Variants in SLC35F5 observed in about 807,000 individuals in gnomAD.
SLC35F5 encodes the protein HCV NS5A-transactivated protein 3.
A neutral mutation model predicts 68.6 loss-of-function variants in SLC35F5; 54 were observed. That is an observed-to-expected ratio of 0.79 (90% CI 0.63 to 0.99). The LOEUF is 0.99. Among genes scored for constraint, SLC35F5 ranks in the 50% least tolerant of loss-of-function variants. The pLI is 0.00. For missense variants in SLC35F5, 567 were observed against 626.9 expected (o/e 0.90, Z 1.02); for synonymous variants, 211 against 205.2 (o/e 1.03, Z -0.24).
In SLC35F5 at chr2:113,708,960, A is replaced by G. The variant is rs1405048982; in HGVS notation, c.*6258T>C. Among the ~76,000 whole-genome samples, 1 of 152,192 alleles carries G rather than the reference A, an allele frequency of 6.6e-6. No homozygotes were observed. The highest frequency in any genetic ancestry group is 2.4e-5 in the African/African-American group (1 of 41,454). On this transcript the variant is annotated 3_prime_UTR_variant, in exon 16 of 16. Transcript: ENST00000245680. Reference sequence around the variant, plus strand: ...ATCTGATATATTTGGCCTCCATAAAACTGCCATGGATTCCAACTGTACTCA... The same window carrying G: ...ATCTGATATATTTGGCCTCCATAAAGCTGCCATGGATTCCAACTGTACTCA...
chr2:113,727,713 T>A (rs1310651590), intron 11 of SLC35F5, among the ~76,000 whole-genome samples: 1 of 152,096 alleles, frequency 6.6e-6, no homozygotes, highest in Non-Finnish European at 1.5e-5. Context: ...AACATCCCAA[T>A]CCTAACTTCT....
intron 11 of SLC35F5, chr2:113,725,941 ATTAT>A (rs1448620991): frequency 2.0e-5 from 3 of 153,786 alleles, no homozygotes; most frequent in Non-Finnish European, 2.9e-5. Context: ...CTCTGATTCA[ATTAT>A]TTATGTCCAA....
chr2:113,717,911 C>T (rs1221955690), intron 14 of SLC35F5, 61 bp from the exon 15 acceptor site: 7 of 1,186,370 alleles, frequency 5.9e-6, no homozygotes, highest in Non-Finnish European at 8.6e-6. Context: ...AACCTCAAAC[C>T]TTATTTATTC....
Position 113,710,626 on chromosome 2 carries a change from A to T in SLC35F5, c.*4592T>A, listed in dbSNP as rs114491470. ...CCATCTCTACCAAAAATACAAAAAA[A>T]CTAATCAGGAATGGGGGCACATGCC... is the stretch of plus-strand genomic sequence containing the variant. On this transcript the variant is annotated 3_prime_UTR_variant, in exon 16 of 16. Coordinates refer to ENST00000245680, the MANE Select transcript of SLC35F5 (RefSeq NM_025181.5). Among the ~76,000 whole-genome samples the T allele has an allele frequency of 4.9e-3, 753 of 152,238 alleles. 8 individuals carry two copies. Among genetic ancestry groups the T allele is most frequent in the African/African-American group, 0.016 (670 of 41,536 alleles).
At chr2:113,746,424 G>T in intron 4 of SLC35F5, 85 bp from the exon 5 acceptor site, 3 of 1,079,348 alleles carry the variant, frequency 2.8e-6, no homozygotes, top group Non-Finnish European at 2.8e-6. Context: ...ATAAATAGAA[G>T]CAAAAATCCA....
chr2:113,729,130 T>C (rs1174251181), intron 11 of SLC35F5, among the ~76,000 whole-genome samples: 1 of 152,222 alleles, frequency 6.6e-6, no homozygotes, highest in African/African-American at 2.4e-5. Flanking sequence ...GAGATAAATA[T>C]CTGACTTGCA....
chr2:113,719,783 C>T (rs1055290695), intron 13 of SLC35F5: 5 of 151,058 alleles, frequency 3.3e-5, no homozygotes, highest in Admixed American at 2.7e-4. Flanking sequence ...TATGACAGTA[C>T]CAAAAACAAA....
rs773579876 is a variant in SLC35F5 at position 113,750,503 on chromosome 2, C to T, written c.339G>A (p.Leu113=). 6.2e-7 allele frequency: 1 copy of T among 1,613,400 alleles called. No individual in the cohort carries two copies. The highest frequency in any genetic ancestry group is 8.5e-7 in the Non-Finnish European group (1 of 1,179,634). ...STFAKTSMFV[L]YLLGFIIWKP... is the part of the protein sequence containing the mutation. ...TCCAAATAATAAAGCCCAAAAGGTA[C>T]AAAACAAACATAGATGTTTTTGCAA... Residue 113 remains leucine, a synonymous_variant, in exon 4 of 16, where the codon TTG becomes TTA. Coordinates refer to ENST00000245680, the MANE Select transcript of SLC35F5 (RefSeq NM_025181.5).
In SLC35F5 at chr2:113,714,147, A is replaced by AT; in HGVS notation, c.*1070dup. 1 of 152,290 alleles carries AT rather than the reference A, an allele frequency of 6.6e-6. No individual in the cohort carries two copies. The highest frequency in any genetic ancestry group is 1.9e-4 in the East Asian group (1 of 5,190). 9.4% of individuals were successfully genotyped at this position (152,290 alleles called of 1,614,324 possible). ...TGCAATTAGGAGTATTTTACATTTA[A>AT]TTTATAATCTTAGTAGAGGAAAAGT... On this transcript the variant is annotated 3_prime_UTR_variant, in exon 16 of 16. Coordinates refer to ENST00000245680, the MANE Select transcript of SLC35F5 (RefSeq NM_025181.5).
chr2:113,708,383 G>C lies in SLC35F5; in HGVS notation c.*6835C>G, dbSNP rs1686861826. On this transcript the variant is annotated 3_prime_UTR_variant, in exon 16 of 16. Transcript: ENST00000245680. ...CTTTTAAGATTATAAATTCACAATA[G>C]TGAACACCCTAGTGACAACTTTTAA... Among the ~76,000 whole-genome samples, 1 of 152,188 alleles carries C rather than the reference G, an allele frequency of 6.6e-6. No individual in the cohort carries two copies. Among genetic ancestry groups the C allele is most frequent in the East Asian group, 1.9e-4 (1 of 5,206 alleles).
chr2:113,712,353 G>C lies in SLC35F5; in HGVS notation c.*2865C>G, dbSNP rs1687019252. Among the ~76,000 whole-genome samples the C allele has an allele frequency of 1.3e-5, 2 of 151,024 alleles. No homozygotes were observed. Among genetic ancestry groups the C allele is most frequent in the Non-Finnish European group, 2.9e-5 (2 of 67,938 alleles). On this transcript the variant is annotated 3_prime_UTR_variant, in exon 16 of 16. Transcript: ENST00000245680. ...TTTTTTTTTGAGACGGAGTCTCGCTGTCGCCCAGGCTGGAGTGCAGGGGCA... is the reference window on the plus strand; with the variant it reads ...TTTTTTTTTGAGACGGAGTCTCGCTCTCGCCCAGGCTGGAGTGCAGGGGCA...
chr2:113,740,900 C>T (rs962705291), intron 7 of SLC35F5, among the ~76,000 whole-genome samples: 6 of 152,306 alleles, frequency 3.9e-5, no homozygotes, highest in Admixed American at 6.5e-5. Context: ...GCTGGGACTA[C>T]GGGCGTGAGC....
chr2:113,725,704 G>T (rs1240926414), intron 11 of SLC35F5, 167 bp from the exon 12 acceptor site: 2 of 522,740 alleles, frequency 3.8e-6, no homozygotes, highest in Non-Finnish European at 6.6e-6. Flanking sequence ...ATAGCTCAAC[G>T]CCATAGAAAA....
chr2:113,732,832 C>T (rs1372627118), intron 9 of SLC35F5, among the ~76,000 whole-genome samples: 7 of 152,066 alleles, frequency 4.6e-5, no homozygotes, highest in South Asian at 4.1e-4. Flanking sequence ...AATATACAGA[C>T]GAGAAAATTG....
Position 113,717,856 on chromosome 2 carries a change from G to T in SLC35F5, c.1497-6C>A. On this transcript the variant is annotated splice_region_variant and splice_polypyrimidine_tract_variant and intron_variant, in intron 14 of 15. Transcript: ENST00000245680. ...GTTCGCTGTCTTCTGGAACTCTTAA[G>T]AAAAAAAAAAGCAGTAATTAAGGAA... is the stretch of plus-strand genomic sequence containing the variant. The T allele has an allele frequency of 7.0e-7, 1 of 1,434,010 alleles. No homozygotes were observed. The highest frequency in any genetic ancestry group is 9.4e-7 in the Non-Finnish European group (1 of 1,064,220). 88.8% of individuals were successfully genotyped at this position (1,434,010 alleles called of 1,614,324 possible). A position where few individuals can be genotyped will look rare whatever the true frequency, so the allele number is the denominator to read the frequency against.
At chr2:113,736,754 G>A (rs367564226) in intron 7 of SLC35F5, among the ~76,000 whole-genome samples, 26 of 152,252 alleles carry the variant, frequency 1.7e-4, no homozygotes, top group African/African-American at 5.8e-4. Context: ...CATAACTTTG[G>A]ATACAGTGAA....
chr2:113,752,754 T>TG (rs2104490056), intron 3 of SLC35F5, among the ~76,000 whole-genome samples: 4 of 151,736 alleles, frequency 2.6e-5, no homozygotes, highest in African/African-American at 9.7e-5. Context: ...ACAAACTTAA[T>TG]GGGAAAAAAA....
intron 10 of SLC35F5, among the ~76,000 whole-genome samples, chr2:113,730,879 G>C (rs1464664387): frequency 6.6e-6 from 1 of 152,186 alleles, no homozygotes; most frequent in East Asian, 1.9e-4. Context: ...CAGGAAATTT[G>C]TATAGCCTCA....
chr2:113,740,747 C>T (rs533051000), intron 7 of SLC35F5, among the ~76,000 whole-genome samples: 69 of 152,294 alleles, frequency 4.5e-4, no homozygotes, highest in Non-Finnish European at 9.6e-4. Context: ...CTGCCTCAGC[C>T]TCCTGAGTAG....
Sources: allele counts gnomAD v4.1 joint callset (sites outside exome capture counted in the v4.1 genomes callset), GRCh38; gene constraint gnomAD v4.1.1; transcripts MANE v1.5; gene names NCBI Gene and HGNC (gene_info 2026-07-23, HGNC 2026-07-21).